Variants in MED12L observed in about 807,000 individuals in gnomAD.
MED12L encodes mediator of RNA polymerase II transcription subunit 12-like protein.
A neutral mutation model predicts 281.3 loss-of-function variants in MED12L; 60 were observed. The ratio of observed to expected loss-of-function variants is 0.21; its 90% CI spans 0.17 to 0.26. MED12L has a LOEUF of 0.26. Ranked by LOEUF, MED12L falls within the 10% of genes least tolerant of loss-of-function variation. The pLI, the probability that MED12L is intolerant of heterozygous loss-of-function variation, is 1.00. For synonymous variants in MED12L, 974 were observed against 987.2 expected (o/e 0.99, Z 0.25); for missense variants, 2,146 against 2,680.9 (o/e 0.80, Z 4.41).
chr3:151,221,168 A>G (rs1729268780), intron 16 of MED12L, among the ~76,000 whole-genome samples: 2 of 152,202 alleles, frequency 1.3e-5, no homozygotes, highest in Admixed American at 1.3e-4. Context: ...GAGATGATTT[A>G]GGGTATCTAG....
chr3:151,122,948 A>G lies in MED12L; in HGVS notation c.370A>G (p.Lys124Glu). Residue 124 changes from lysine (K) to glutamate (E), a missense_variant, in exon 4 of 45, where the codon AAG becomes GAG. Transcript: ENST00000687756. Reference protein sequence around the residue: ...HSWFSDLAGNKPLSILAKKVP... With the variant: ...HSWFSDLAGNEPLSILAKKVP... ...TTGGTTTTCTGACTTAGCAGGAAAT[A>G]AGCCACTTTCTATTTTGGCAAAAAA... 1 of 1,607,454 alleles carries G rather than the reference A, an allele frequency of 6.2e-7. No homozygotes were observed. The highest frequency in any genetic ancestry group is 8.5e-7 in the Non-Finnish European group (1 of 1,177,616).
At chr3:151,180,546 T>C (rs1722586202) in intron 11 of MED12L, among the ~76,000 whole-genome samples, 1 of 152,250 alleles carries the variant, frequency 6.6e-6, no homozygotes, top group African/African-American at 2.4e-5. Context: ...TGGAAGTGAA[T>C]TGACTTCCTC....
In MED12L at chr3:151,301,771, G is replaced by T. The variant is rs145511651; in HGVS notation, c.2251-48288G>T. On this transcript the variant is annotated intron_variant, in intron 16 of 44. Transcript: ENST00000687756. ...AGTAACAAGTGTTGCTGAGGGTGGTGAAAACAGGACCCCTTATACACTGAT... is the reference window on the plus strand; with the variant it reads ...AGTAACAAGTGTTGCTGAGGGTGGTTAAAACAGGACCCCTTATACACTGAT... 3.6e-3 allele frequency among the ~76,000 whole-genome samples: 548 copies of T among 152,290 alleles called. 1 individual carries two copies. Among genetic ancestry groups the T allele is most frequent in the African/African-American group, 0.012 (517 of 41,564 alleles).
intron 16 of MED12L, among the ~76,000 whole-genome samples, chr3:151,298,455 C>T (rs1387670176): frequency 6.6e-6 from 1 of 152,200 alleles, no homozygotes; most frequent in Non-Finnish European, 1.5e-5. Context: ...ATGATTTCCC[C>T]ATCCCTTCTT....
At chr3:151,218,987 A>C (rs1469043441) in intron 16 of MED12L, among the ~76,000 whole-genome samples, 2 of 151,876 alleles carry the variant, frequency 1.3e-5, no homozygotes, top group African/African-American at 4.8e-5. Context: ...ATGAGAATGA[A>C]GTGGTCTGAA....
intron 16 of MED12L, among the ~76,000 whole-genome samples, chr3:151,209,968 A>T (rs1368309426): frequency 6.6e-6 from 1 of 152,162 alleles, no homozygotes; most frequent in Admixed American, 6.5e-5. Flanking sequence ...TTAGGTTAGG[A>T]CTGATGCAGG....
chr3:151,108,051 G>T (rs1378506191), intron 2 of MED12L, among the ~76,000 whole-genome samples: 1 of 152,198 alleles, frequency 6.6e-6, no homozygotes. Context: ...GCTAGATGCT[G>T]CTTTTTCGCT....
At chr3:151,365,575 C>T (rs1374551637) in intron 22 of MED12L, among the ~76,000 whole-genome samples, 3 of 152,130 alleles carry the variant, frequency 2.0e-5, no homozygotes, top group African/African-American at 7.2e-5. Context: ...AAATGTAAAT[C>T]GTAGCTCAGA....
At chr3:151,149,511 T>C (rs759456891) in intron 5 of MED12L, among the ~76,000 whole-genome samples, 1 of 152,144 alleles carries the variant, frequency 6.6e-6, no homozygotes, top group Non-Finnish European at 1.5e-5. Flanking sequence ...TGTAACCTTT[T>C]GGCTAGCAGA....
chr3:151,193,889 T>G (rs530905870), intron 16 of MED12L: 88 of 447,142 alleles, frequency 2.0e-4, no homozygotes, highest in African/African-American at 1.6e-3. Flanking sequence ...AAAATGAAAT[T>G]TTCTATGTTA....
chr3:151,176,601 A>T, intron 11 of MED12L, among the ~76,000 whole-genome samples: 1 of 146,992 alleles, frequency 6.8e-6, no homozygotes, highest in African/African-American at 2.5e-5. Flanking sequence ...TATTACTTCT[A>T]ATAAAGTTTT....
chr3:151,334,196 C>CCATTTTT (rs1750689705), intron 16 of MED12L, among the ~76,000 whole-genome samples: 1 of 118,228 alleles, frequency 8.5e-6, no homozygotes, highest in Non-Finnish European at 1.7e-5. Context: ...TTCTTTCTTT[C>CCATTTTT]TTTTTTTTTT....
chr3:151,337,028 A>G (rs1751092610), intron 16 of MED12L: 1 of 152,278 alleles, frequency 6.6e-6, no homozygotes, highest in African/African-American at 2.4e-5. Flanking sequence ...CTAGAAGCTA[A>G]TTAATAAAGG....
At chr3:151,144,448 C>T (rs915267580) in intron 5 of MED12L, among the ~76,000 whole-genome samples, 9 of 152,138 alleles carry the variant, frequency 5.9e-5, no homozygotes, top group South Asian at 2.1e-4. Flanking sequence ...TCCATGCAAC[C>T]TTGCAGTACA....
At chr3:151,162,277 A>G (rs1456998154) in intron 8 of MED12L, among the ~76,000 whole-genome samples, 1 of 152,194 alleles carries the variant, frequency 6.6e-6, no homozygotes, top group Non-Finnish European at 1.5e-5. Context: ...TGAGGAAGGC[A>G]GTAGGGATGT....
intron 11 of MED12L, among the ~76,000 whole-genome samples, chr3:151,175,081 G>A (rs1232507152): frequency 6.6e-6 from 1 of 152,136 alleles, no homozygotes; most frequent in Non-Finnish European, 1.5e-5. Context: ...ACAGTGTTAG[G>A]CCTATTATCT....
chr3:151,361,935 A>G (rs1386995302), intron 21 of MED12L, among the ~76,000 whole-genome samples: 1 of 152,142 alleles, frequency 6.6e-6, no homozygotes, highest in Non-Finnish European at 1.5e-5. Flanking sequence ...TTTTGAGGAC[A>G]ATTATTTACT....
intron 16 of MED12L, among the ~76,000 whole-genome samples, chr3:151,315,575 A>G (rs964356139): frequency 2.0e-5 from 3 of 152,170 alleles, no homozygotes; most frequent in African/African-American, 7.2e-5. Context: ...GTCAGAAACA[A>G]GAGTCTGAGG....
intron 4 of MED12L, among the ~76,000 whole-genome samples, chr3:151,125,500 A>G (rs914579962): frequency 1.1e-4 from 16 of 152,214 alleles, no homozygotes; most frequent in African/African-American, 3.9e-4. Flanking sequence ...GAAATCCTTT[A>G]GGCATCTGTG....
Sources: allele counts gnomAD v4.1 joint callset (sites outside exome capture counted in the v4.1 genomes callset), GRCh38; gene constraint gnomAD v4.1.1; transcripts MANE v1.5; gene names NCBI Gene and HGNC (gene_info 2026-07-23, HGNC 2026-07-21).